ABCB4: variants seen among roughly 807,000 people sequenced by gnomAD.
ABCB4 encodes the protein phosphatidylcholine translocator ABCB4.
In ABCB4, 76 loss-of-function variants were observed where a neutral mutation model predicts 145.7. The ratio of observed to expected loss-of-function variants is 0.52; its 90% CI spans 0.43 to 0.63. The LOEUF (loss-of-function observed/expected upper bound fraction) is 0.63. Ranked by LOEUF, ABCB4 falls within the 30% of genes least tolerant of loss-of-function variation. The pLI is 0.00. For synonymous variants in ABCB4, 517 were observed against 566.8 expected (o/e 0.91, Z 1.25); for missense variants, 1,234 against 1,553.1 (o/e 0.79, Z 3.45).
At chr7:87,446,018 A>G (rs897164401) in intron 9 of ABCB4, among the ~76,000 whole-genome samples, 7 of 152,188 alleles carry the variant, frequency 4.6e-5, no homozygotes, top group African/African-American at 1.7e-4. Flanking sequence ...TAAAACATCA[A>G]TAGTAAATGA....
the ABCB4 span, chr7:87,376,002 G>GA: frequency 1.3e-6 from 2 of 1,500,380 alleles, no homozygotes; most frequent in African/African-American, 2.9e-5. Flanking sequence ...TTTTCTGGAA[G>GA]ACTCATATTT....
the ABCB4 span, among the ~76,000 whole-genome samples, chr7:87,382,872 T>C: frequency 6.6e-6 from 1 of 152,246 alleles, no homozygotes; most frequent in Non-Finnish European, 1.5e-5. Context: ...GTTGTGATTT[T>C]ATAAATTATC....
the ABCB4 span, chr7:87,393,192 AT>A: frequency 4.7e-6 from 5 of 1,068,418 alleles, no homozygotes; most frequent in Non-Finnish European, 6.7e-6. Flanking sequence ...ATAAGTAACT[AT>A]TTTTTTCCAC....
the ABCB4 span, chr7:87,392,900 A>G: frequency 2.5e-6 from 4 of 1,611,994 alleles, no homozygotes; most frequent in African/African-American, 4.0e-5. Flanking sequence ...TAGAAACAAT[A>G]TAAGCATCTG....
At chr7:87,470,555 A>G (rs1286796300) in intron 3 of ABCB4, among the ~76,000 whole-genome samples, 1 of 152,258 alleles carries the variant, frequency 6.6e-6, no homozygotes, top group African/African-American at 2.4e-5. Context: ...CAAGTGGGTG[A>G]AGGATATGAA....
chr7:87,421,678 A>C (rs1327790955), intron 18 of ABCB4, among the ~76,000 whole-genome samples: 1 of 152,254 alleles, frequency 6.6e-6, no homozygotes, highest in Non-Finnish European at 1.5e-5. Flanking sequence ...AGAGAGTTTG[A>C]CTAGTTTATT....
chr7:87,410,005 C>T (rs1239835447), intron 23 of ABCB4, among the ~76,000 whole-genome samples: 1 of 152,108 alleles, frequency 6.6e-6, no homozygotes, highest in Non-Finnish European at 1.5e-5. Flanking sequence ...ATGGTCTGTA[C>T]ACCAAACCCC....
rs753155827 is a variant in ABCB4, at chr7:87,420,021, C to A, written c.2371G>T (p.Ala791Ser). ...ACCTGTCTTAGCATTGCTTTAAAAG[C>A]CATTGACCGCAGTCTTCTGGTGAGG... ...EILTRRLRSM[A>S]FKAMLRQDMS... Residue 791 changes from alanine (A) to serine (S), a missense_variant, in exon 19 of 28, where the codon GCT becomes TCT. Physicochemically the swap from Ala to Ser is moderately conservative, Grantham distance 99. Coordinates refer to ENST00000649586, the MANE Select transcript of ABCB4 (RefSeq NM_000443.4). 5.0e-5 allele frequency: 81 copies of A among 1,614,104 alleles called. No individual in the cohort carries two copies. The East Asian group carries it at 1.7e-3, about 34-fold the overall frequency.
At chr7:87,461,310 T>G (rs1812445527) in intron 4 of ABCB4, among the ~76,000 whole-genome samples, 1 of 152,228 alleles carries the variant, frequency 6.6e-6, no homozygotes, top group African/African-American at 2.4e-5. Flanking sequence ...ATGTTAAAGT[T>G]TTGGTCACTA....
chr7:87,381,789 G>A, the ABCB4 span: 1 of 603,860 alleles, frequency 1.7e-6, no homozygotes, highest in Non-Finnish European at 2.9e-6. Context: ...CAAGAGGTGA[G>A]GCATTTGAAG....
intron 2 of ABCB4, among the ~76,000 whole-genome samples, chr7:87,474,720 G>A (rs1178890600): frequency 6.6e-6 from 1 of 152,114 alleles, no homozygotes; most frequent in Non-Finnish European, 1.5e-5. Flanking sequence ...CTTCTGCCCC[G>A]CTCATAAAGC....
At chr7:87,447,724 C>G (rs1318588829) in intron 8 of ABCB4, among the ~76,000 whole-genome samples, 2 of 152,170 alleles carry the variant, frequency 1.3e-5, no homozygotes, top group African/African-American at 4.8e-5. Flanking sequence ...AGGCTTCTCT[C>G]TTTGACTTTT....
the ABCB4 span, among the ~76,000 whole-genome samples, chr7:87,383,088 A>G: frequency 2.0e-5 from 3 of 152,218 alleles, no homozygotes; most frequent in Non-Finnish European, 2.9e-5. Flanking sequence ...CACTGCCTCA[A>G]CCATTTATTA....
At chr7:87,426,026 CA>C (rs541329761) in intron 16 of ABCB4, among the ~76,000 whole-genome samples, 6,219 of 145,646 alleles carry the variant, frequency 0.043, 402 homozygotes, top group African/African-American at 0.14. Flanking sequence ...ATGCATACAG[CA>C]AAAAAAAAAA....
the ABCB4 span, among the ~76,000 whole-genome samples, chr7:87,396,532 A>G: frequency 2.0e-5 from 3 of 152,194 alleles, no homozygotes; most frequent in Non-Finnish European, 4.4e-5. Flanking sequence ...TTGGTACAGT[A>G]TAGAAACATT....
At chr7:87,369,308 G>A in the ABCB4 span, 1 of 971,610 alleles carries the variant, frequency 1.0e-6, no homozygotes, top group Non-Finnish European at 1.6e-6. Flanking sequence ...TTCTTCTATT[G>A]GATATATGCA....
At position 87,447,212 on chromosome 7, in the gene ABCB4, G is replaced by GA; in HGVS notation, c.834-8dup. 2 of 1,611,344 alleles carry GA rather than the reference G, an allele frequency of 1.2e-6. No homozygotes were observed. The highest frequency in any genetic ancestry group is 1.1e-5 in the South Asian group (1 of 90,998). ...TTCTAAATGTTTCTGATACCTACCAGAAAAATGAGAGGGAAAACATTATAA... is the reference window on the plus strand; with the variant it reads ...TTCTAAATGTTTCTGATACCTACCAGAAAAAATGAGAGGGAAAACATTATAA... On this transcript the variant is annotated splice_polypyrimidine_tract_variant and splice_region_variant and intron_variant, in intron 8 of 27. Transcript: ENST00000649586.
chr7:87,372,528 GC>G, the ABCB4 span, among the ~76,000 whole-genome samples: 1 of 152,004 alleles, frequency 6.6e-6, no homozygotes, highest in Non-Finnish European at 1.5e-5. Context: ...GACCTATTTT[GC>G]TTGGATAGCA....
In ABCB4 at chr7:87,420,197, A is replaced by G. The variant is rs142156155; in HGVS notation, c.2317-122T>C. 3.8e-4 allele frequency: 326 copies of G among 868,272 alleles called. 1 individual carries two copies. The East Asian group carries it at 7.7e-3, about 21-fold the overall frequency. The allele number at this position is 868,272 out of a possible 1,614,324, so 53.8% of individuals were successfully genotyped here. On this transcript the variant is annotated intron_variant, in intron 18 of 27. Transcript: ENST00000649586. ...TGTTTTACAGTTGCCACGGATCCTC[A>G]AGTCATGTTAATAACCTGAGCAGCC...
Sources: gnomAD v4.1 joint callset for allele counts (sites outside exome capture counted in the v4.1 genomes callset) on GRCh38, gnomAD v4.1.1 for gene constraint, MANE v1.5 for transcripts, NCBI Gene and HGNC (gene_info 2026-07-23, HGNC 2026-07-21) for gene names.